The following MGAT4C variants were observed in gnomAD, a reference collection of about 807,000 sequenced individuals.
MGAT4C encodes the protein MGAT4 family member C, also known as alpha-1,3-mannosyl-glycoprotein 4-beta-N-acetylglucosaminyltransferase C.
In MGAT4C, 19 loss-of-function variants were observed where a neutral mutation model predicts 40.1. That is an observed-to-expected ratio of 0.47 (90% confidence interval 0.33 to 0.70). The LOEUF is 0.70. Ranked by LOEUF, MGAT4C falls within the 30% of genes least tolerant of loss-of-function variation. MGAT4C has a pLI of 0.02. For missense variants in MGAT4C, 491 were observed against 563.2 expected (o/e 0.87, Z 1.30); for synonymous variants, 181 against 187.1 (o/e 0.97, Z 0.27).
chr12:86,274,201 C>T (rs889075617), intron 4 of MGAT4C, among the ~76,000 whole-genome samples: 3 of 152,074 alleles, frequency 2.0e-5, no homozygotes, highest in Non-Finnish European at 2.9e-5. Context: ...CAGCACCAAC[C>T]GGATGGTGCT....
At chr12:86,173,044 G>C (rs913782681) in intron 1 of MGAT4C, among the ~76,000 whole-genome samples, 3 of 152,072 alleles carry the variant, frequency 2.0e-5, no homozygotes, top group African/African-American at 4.8e-5. Flanking sequence ...ATGTTAGCTA[G>C]CAAAATCTAC....
intron 2 of MGAT4C, among the ~76,000 whole-genome samples, chr12:86,542,611 C>T (rs1239224114): frequency 6.6e-6 from 1 of 152,026 alleles, no homozygotes; most frequent in African/African-American, 2.4e-5. Flanking sequence ...GTGGCCATGC[C>T]TTTTCTTTTT....
chr12:86,537,857 T>C (rs184086318), intron 2 of MGAT4C, among the ~76,000 whole-genome samples: 20 of 152,150 alleles, frequency 1.3e-4, no homozygotes, highest in African/African-American at 4.8e-4. Context: ...GAGGCCAAGG[T>C]GGGTGGATCA....
intron 2 of MGAT4C, among the ~76,000 whole-genome samples, chr12:86,048,341 T>C (rs1183893573): frequency 1.3e-5 from 2 of 151,592 alleles, no homozygotes; most frequent in African/African-American, 4.9e-5. Flanking sequence ...GGAGTGAGGG[T>C]TGAAAAACTA....
intron 2 of MGAT4C, among the ~76,000 whole-genome samples, chr12:86,022,900 A>G (rs771835357): frequency 2.0e-5 from 3 of 152,164 alleles, no homozygotes; most frequent in Admixed American, 6.6e-5. Flanking sequence ...AGAGAATATT[A>G]CATAGAGGAG....
intron 1 of MGAT4C, among the ~76,000 whole-genome samples, chr12:86,214,032 T>C (rs577473406): frequency 1.3e-5 from 2 of 152,232 alleles, no homozygotes; most frequent in African/African-American, 2.4e-5. Context: ...TTGCATTCTT[T>C]AAAGTATACC....
chr12:86,128,238 A>G (rs1387080343), intron 1 of MGAT4C, among the ~76,000 whole-genome samples: 7 of 152,168 alleles, frequency 4.6e-5, no homozygotes, highest in Admixed American at 1.3e-4. Flanking sequence ...AATATTATGC[A>G]ACACATGATA....
intron 4 of MGAT4C, among the ~76,000 whole-genome samples, chr12:86,282,827 A>G (rs1423828386): frequency 6.6e-6 from 1 of 152,054 alleles, no homozygotes; most frequent in Non-Finnish European, 1.5e-5. Context: ...TTGCAGCCCA[A>G]CTACAAAAGC....
intron 2 of MGAT4C, among the ~76,000 whole-genome samples, chr12:86,630,753 C>T (rs190245000): frequency 6.6e-6 from 1 of 152,090 alleles, no homozygotes; most frequent in Non-Finnish European, 1.5e-5. Flanking sequence ...GATTGTATCT[C>T]AAAATAATAA....
intron 1 of MGAT4C, among the ~76,000 whole-genome samples, chr12:86,097,133 A>C (rs768659939): frequency 5.9e-5 from 9 of 151,596 alleles, no homozygotes; most frequent in Non-Finnish European, 1.3e-4. Context: ...TTTGCATACA[A>C]TCTTGGTCTC....
chr12:86,796,091 A>C (rs1032682179), intron 1 of MGAT4C, among the ~76,000 whole-genome samples: 48 of 151,838 alleles, frequency 3.2e-4, no homozygotes, highest in African/African-American at 1.1e-3. Context: ...TGATATAGAG[A>C]AAAGTTTCTA....
At position 86,488,008 on chromosome 12, in the gene MGAT4C, C is replaced by T. The variant is rs184823264; in HGVS notation, c.-228-52743G>A. ...TTGAAACTATAAGAGCGTTTTAATT[C>T]ATAACTCACAAGATATAGATTAAGA... On this transcript the variant is annotated intron_variant, in intron 2 of 7. Transcript: ENST00000548651. 2.6e-5 allele frequency among the ~76,000 whole-genome samples: 4 copies of T among 152,174 alleles called. No homozygotes were observed. The East Asian group carries it at 7.7e-4, about 29-fold the overall frequency.
intron 3 of MGAT4C, among the ~76,000 whole-genome samples, chr12:86,391,135 T>A (rs1014410902): frequency 6.6e-6 from 1 of 152,316 alleles, no homozygotes. Context: ...AAGGTAGTCT[T>A]GAGTTTTCAA....
intron 2 of MGAT4C, among the ~76,000 whole-genome samples, chr12:86,681,261 G>A (rs1949976141): frequency 6.6e-6 from 1 of 151,696 alleles, no homozygotes; most frequent in Admixed American, 6.6e-5. Flanking sequence ...TTGCTGATGA[G>A]GTGATTTTTA....
Position 85,983,638 on chromosome 12 carries a change from G to A in MGAT4C, c.180C>T (p.Ser60=). 6.3e-7 allele frequency: 1 copy of A among 1,592,828 alleles called. No individual in the cohort carries two copies. The highest frequency in any genetic ancestry group is 8.5e-7 in the Non-Finnish European group (1 of 1,170,700). ...EGDKQLIRET[S]THQLNSERYV... ...AGCGTTCTGAATTCAGTTGATGTGT[G>A]GATGTTTCCCTTATAAGTTGTTTGT... Residue 60 remains serine, a synonymous_variant, in exon 4 of 5, where the codon TCC becomes TCT. Transcript: ENST00000611864.
At chr12:86,385,371 C>T (rs1190186104) in intron 3 of MGAT4C, among the ~76,000 whole-genome samples, 5 of 152,052 alleles carry the variant, frequency 3.3e-5, no homozygotes, top group Admixed American at 6.6e-5. Context: ...TTCAAATCTA[C>T]GTATATACTC....
intron 1 of MGAT4C, among the ~76,000 whole-genome samples, chr12:86,792,499 A>G (rs1489809847): frequency 6.6e-6 from 1 of 152,144 alleles, no homozygotes; most frequent in African/African-American, 2.4e-5. Flanking sequence ...TAGTATATCC[A>G]CATAAACACA....
chr12:86,649,949 C>T (rs1565904180), intron 2 of MGAT4C, among the ~76,000 whole-genome samples: 1 of 151,584 alleles, frequency 6.6e-6, no homozygotes, highest in Non-Finnish European at 1.5e-5. Flanking sequence ...GTAGGACAAC[C>T]CTTGCTAGAC....
At chr12:86,489,504 T>G (rs1282598964) in intron 2 of MGAT4C, among the ~76,000 whole-genome samples, 2 of 152,190 alleles carry the variant, frequency 1.3e-5, no homozygotes, top group African/African-American at 2.4e-5. Flanking sequence ...GCAAAGGGCC[T>G]ATTGAGCTGA....
Sources: gnomAD v4.1 joint callset for allele counts (sites outside exome capture counted in the v4.1 genomes callset) on GRCh38, gnomAD v4.1.1 for gene constraint, MANE v1.5 for transcripts, NCBI Gene and HGNC (gene_info 2026-07-23, HGNC 2026-07-21) for gene names.